The following SLC18A1 variants were observed in gnomAD, a reference collection of about 807,000 sequenced individuals.
SLC18A1 encodes chromaffin granule amine transporter.
SLC18A1 carries 69 observed loss-of-function variants against 53.7 expected under a neutral mutation model. That is an observed-to-expected ratio of 1.28 (90% confidence interval 1.06 to 1.57). SLC18A1 has a LOEUF of 1.57. Ranked by LOEUF, SLC18A1 falls within the 40% of genes most tolerant of loss-of-function variation. SLC18A1 has a pLI of 0.00. For missense variants in SLC18A1, 932 were observed against 668.1 expected (o/e 1.40, Z -4.35); for synonymous variants, 320 against 248.1 (o/e 1.29, Z -2.72).
intron 6 of SLC18A1, among the ~76,000 whole-genome samples, chr8:20,172,590 G>A (rs907900137): frequency 2.6e-5 from 4 of 152,196 alleles, no homozygotes; most frequent in Non-Finnish European, 5.9e-5. Flanking sequence ...CTGTATCCTG[G>A]CTGTGGCGTT....
In SLC18A1 at chr8:20,145,468, C is replaced by T. The variant is rs2071370601; in HGVS notation, c.*295G>A. ...ACTACCACCTCTATGCAATGAGTCA[C>T]CCCTTGCAGAACCCGTCACAGCTCA... On this transcript the variant is annotated 3_prime_UTR_variant, in exon 16 of 16. Transcript: ENST00000276373. 4.1e-6 allele frequency: 1 copy of T among 244,588 alleles called. No homozygotes were observed. The highest frequency in any genetic ancestry group is 7.8e-6 in the Non-Finnish European group (1 of 127,478). The allele number at this position is 244,588 out of a possible 1,614,324, so 15.2% of individuals were successfully genotyped here.
intron 9 of SLC18A1, 27 bp downstream of exon 9, chr8:20,165,020 C>A (rs2071921321): frequency 6.2e-7 from 1 of 1,613,874 alleles, no homozygotes; most frequent in African/African-American, 1.3e-5. Flanking sequence ...ACACTCCCCG[C>A]CCAATGGGAG....
chr8:20,166,308 T>TATAC (rs1563750843), intron 8 of SLC18A1, among the ~76,000 whole-genome samples: 1 of 120,874 alleles, frequency 8.3e-6, no homozygotes, highest in African/African-American at 3.1e-5. Flanking sequence ...TATATATATA[T>TATAC]ATATATATAT....
At chr8:20,148,610 A>G in intron 12 of SLC18A1, 4 of 495,866 alleles carry the variant, frequency 8.1e-6, no homozygotes, top group Admixed American at 2.4e-5. Flanking sequence ...CCTGTCAGGA[A>G]GCTTGTGAGA....
intron 10 of SLC18A1, among the ~76,000 whole-genome samples, chr8:20,158,264 C>A (rs2071730533): frequency 6.6e-6 from 1 of 152,184 alleles, no homozygotes; most frequent in East Asian, 1.9e-4. Context: ...CTAGGACAGG[C>A]AGTCACTAGA....
In SLC18A1 at chr8:20,145,278, A is replaced by G. The variant is rs1007348920; in HGVS notation, c.*485T>C. ...CAAGCTGGCATTTGGCAGCAAGACA[A>G]TGCTGAGAACATTTTCTCAACTCGG... On this transcript the variant is annotated 3_prime_UTR_variant, in exon 16 of 16. Transcript: ENST00000276373. 3 of 152,398 alleles carry G rather than the reference A, an allele frequency of 2.0e-5. No homozygotes were observed. Among genetic ancestry groups the G allele is most frequent in the African/African-American group, 7.2e-5 (3 of 41,456 alleles). 9.4% of individuals were successfully genotyped at this position (152,398 alleles called of 1,614,324 possible).
intron 10 of SLC18A1, among the ~76,000 whole-genome samples, chr8:20,151,668 G>C (rs947963875): frequency 6.6e-6 from 1 of 152,202 alleles, no homozygotes; most frequent in Non-Finnish European, 1.5e-5. Flanking sequence ...TGACAGTAGA[G>C]GGAAGTGTTC....
chr8:20,168,380 A>G (rs2072026265), intron 8 of SLC18A1, among the ~76,000 whole-genome samples: 1 of 150,078 alleles, frequency 6.7e-6, no homozygotes, highest in South Asian at 2.1e-4. Context: ...AAAAAAATTA[A>G]ACAAGTAAAT....
chr8:20,156,337 C>T (rs1332970273), intron 10 of SLC18A1, among the ~76,000 whole-genome samples: 1 of 149,348 alleles, frequency 6.7e-6, no homozygotes, highest in African/African-American at 2.5e-5. Context: ...AAAAAGATGA[C>T]TTAACATTAA....
rs867831495 is a variant in SLC18A1, at chr8:20,147,278, G to C, written c.1444C>G (p.Pro482Ala). Residue 482 changes from proline to alanine, a missense_variant, in exon 15 of 16, where the codon CCG becomes GCG. Physicochemically the swap from Pro to Ala is conservative, Grantham distance 27. Coordinates refer to ENST00000276373, the MANE Select transcript of SLC18A1 (RefSeq NM_003053.4). ...APLCYYLRSPPAKEEKLAILS... is the reference protein window; with the variant it reads ...APLCYYLRSPAAKEEKLAILS... ...CTTACAAGCTTCTCTTCCTTTGCCG[G>C]GGGGCTCCGCAGGTAGTAGCAGAGT... 1 of 1,606,388 alleles carries C rather than the reference G, an allele frequency of 6.2e-7. No individual in the cohort carries two copies. Among genetic ancestry groups the C allele is most frequent in the Non-Finnish European group, 8.5e-7 (1 of 1,177,944 alleles).
chr8:20,148,034 G>T lies in SLC18A1; in HGVS notation c.1183C>A (p.Pro395Thr). The T allele has an allele frequency of 6.2e-7, 1 of 1,614,012 alleles. No individual in the cohort carries two copies. The highest frequency in any genetic ancestry group is 8.5e-7 in the Non-Finnish European group (1 of 1,179,986). ...ATGGCAAGGCCAAGCCCTGCATTGG[G>T]GCCAATGAGACCAAAAATATTGTGA... ...LAHNIFGLIG[P>T]NAGLGLAIGM... The change falls in exon 13 of 16, where the codon CCC becomes ACC. Residue 395 changes from proline to threonine, a missense_variant. Coordinates refer to ENST00000276373, the MANE Select transcript of SLC18A1 (RefSeq NM_003053.4).
intron 1 of SLC18A1, chr8:20,182,061 T>C (rs2072442044): frequency 6.6e-6 from 1 of 152,228 alleles, no homozygotes. Context: ...AATAAGAGTT[T>C]CTGGGGAGAA....
At position 20,156,139 on chromosome 8, in the gene SLC18A1, C is replaced by T. The variant is rs182048013; in HGVS notation, c.1016-5395G>A. Among the ~76,000 whole-genome samples, 425 of 152,160 alleles carry T rather than the reference C, an allele frequency of 2.8e-3. 1 individual carries two copies. The highest frequency in any genetic ancestry group is 9.7e-3 in the African/African-American group (402 of 41,512). On this transcript the variant is annotated intron_variant, in intron 10 of 15. Coordinates refer to ENST00000276373, the MANE Select transcript of SLC18A1 (RefSeq NM_003053.4). ...GTGAATTGAGTAAATTAAAGGGATG[C>T]CCCAAATGCATTCAATCTGTAGTGG...
chr8:20,154,296 G>T (rs1388027768), intron 10 of SLC18A1, among the ~76,000 whole-genome samples: 1 of 152,072 alleles, frequency 6.6e-6, no homozygotes, highest in Non-Finnish European at 1.5e-5. Flanking sequence ...AAAATTAGGA[G>T]GCCAAGATCC....
At chr8:20,159,605 G>A (rs1472780779) in intron 10 of SLC18A1, among the ~76,000 whole-genome samples, 2 of 118,126 alleles carry the variant, frequency 1.7e-5, no homozygotes, top group Non-Finnish European at 3.3e-5. Context: ...TGGTAGCTCT[G>A]TTTTCACTCT....
chr8:20,156,282 C>A (rs2071679341), intron 10 of SLC18A1, among the ~76,000 whole-genome samples: 2 of 148,350 alleles, frequency 1.3e-5, no homozygotes, highest in Non-Finnish European at 3.0e-5. Flanking sequence ...AAGTAGCTTA[C>A]TAACTCAAAA....
At chr8:20,162,287 TTC>T (rs2071849672) in intron 10 of SLC18A1, among the ~76,000 whole-genome samples, 1 of 152,190 alleles carries the variant, frequency 6.6e-6, no homozygotes, top group African/African-American at 2.4e-5. Flanking sequence ...CTTTGGGTCT[TTC>T]TCCCACAGTC....
At chr8:20,178,174 A>T (rs1356319201) in intron 4 of SLC18A1, among the ~76,000 whole-genome samples, 10 of 151,896 alleles carry the variant, frequency 6.6e-5, no homozygotes, top group Admixed American at 6.6e-4. Flanking sequence ...ATATTCAAAC[A>T]GCTCTCATTA....
In SLC18A1 at chr8:20,173,091, A is replaced by G. The variant is rs377624019; in HGVS notation, c.669T>C (p.His223=). ...CAGTTCCCATGGCTCGTCCTCTCTC[A>G]TGGTCATCAGTGTAGACACTGGCCA... ...GMLASVYTDD[H]ERGRAMGTAL... The change falls in exon 6 of 16, where the codon CAT becomes CAC. Residue 223 remains histidine (H), a synonymous_variant. Transcript: ENST00000276373. 3.2e-6 allele frequency: 5 copies of G among 1,581,106 alleles called. No individual in the cohort carries two copies. Among genetic ancestry groups the G allele is most frequent in the African/African-American group, 2.7e-5 (2 of 74,010 alleles).
Sources: gnomAD v4.1 joint callset for allele counts (sites outside exome capture counted in the v4.1 genomes callset) on GRCh38, gnomAD v4.1.1 for gene constraint, MANE v1.5 for transcripts, NCBI Gene and HGNC (gene_info 2026-07-23, HGNC 2026-07-21) for gene names.